The following FAM135A variants were observed in gnomAD, a reference collection of about 807,000 sequenced individuals.
The protein encoded by FAM135A is protein FAM135A.
In FAM135A, 79 loss-of-function variants were observed where a neutral mutation model predicts 146.8. The ratio of observed to expected loss-of-function variants is 0.54; its 90% confidence interval spans 0.45 to 0.65. FAM135A has a LOEUF of 0.65. FAM135A is among the 30% of genes least tolerant of loss of function. The pLI, the probability that FAM135A is intolerant of heterozygous loss-of-function variation, is 0.00. For synonymous variants in FAM135A, 562 were observed against 603.6 expected (o/e 0.93, Z 1.01); for missense variants, 1,623 against 1,758.2 (o/e 0.92, Z 1.38).
At chr6:70,534,559 A>C (rs1012244876) in intron 18 of FAM135A, among the ~76,000 whole-genome samples, 5 of 151,528 alleles carry the variant, frequency 3.3e-5, no homozygotes. Flanking sequence ...TGATCCTCTC[A>C]CCTTGGCCTC....
rs777693962 is a variant in FAM135A, at chr6:70,480,886, T to G, written c.543-15T>G. On this transcript the variant is annotated splice_polypyrimidine_tract_variant and intron_variant, in intron 8 of 21. Coordinates refer to ENST00000418814, the MANE Select transcript of FAM135A (RefSeq NM_001162529.3). ...GACTCGTATGACAATAATAATGTAA[T>G]ACTTCTTCCTCCAGCTTTCCTCGCC... 1.2e-6 allele frequency: 2 copies of G among 1,600,802 alleles called. No individual in the cohort carries two copies. The highest frequency in any genetic ancestry group is 1.7e-6 in the Non-Finnish European group (2 of 1,175,708).
rs764143945 is a variant in FAM135A at position 70,525,749 on chromosome 6, A to G, written c.2665A>G (p.Ser889Gly). The G allele has an allele frequency of 1.9e-6, 3 of 1,613,312 alleles. No individual in the cohort carries two copies. The highest frequency in any genetic ancestry group is 2.5e-6 in the Non-Finnish European group (3 of 1,179,638). The part of the protein sequence containing the change: ...LPKCDDTKKS[S>G]ITLQQQSVVF... ...AAAATGTGATGATACTAAAAAGTCA[A>G]GTATCACTTTGCAACAGCAGAGTGT... Residue 889 changes from serine to glycine, a missense_variant, in exon 15 of 22, where the codon AGT becomes GGT. Physicochemically the swap from Ser to Gly is moderately conservative, Grantham distance 56. This residue lies in a region of FAM135A where 1,061 missense variants were observed against 1,113.8 expected (regional missense o/e 0.95). Coordinates refer to ENST00000418814, the MANE Select transcript of FAM135A (RefSeq NM_001162529.3).
intron 10 of FAM135A, among the ~76,000 whole-genome samples, chr6:70,484,642 G>C (rs921085304): frequency 6.6e-6 from 1 of 152,128 alleles, no homozygotes. Flanking sequence ...ATGCAACCTA[G>C]ATCCCTCACA....
chr6:70,417,453 T>C (rs1425508651), intron 2 of FAM135A: 1 of 237,506 alleles, frequency 4.2e-6, no homozygotes, highest in African/African-American at 2.3e-5. Context: ...CCTCAAGTGA[T>C]TCTCCCGCCT....
chr6:70,495,707 G>A (rs9446258), intron 11 of FAM135A, among the ~76,000 whole-genome samples: 43,718 of 151,878 alleles, frequency 0.29, 8,502 homozygotes, highest in African/African-American at 0.55. Flanking sequence ...TTACATAGGT[G>A]TACACGTGCC....
intron 2 of FAM135A, chr6:70,417,789 G>GT (rs1344735736): frequency 5.2e-6 from 1 of 191,344 alleles, no homozygotes; most frequent in African/African-American, 2.4e-5. Flanking sequence ...AATAAAAAAT[G>GT]TAAGACTGTG....
At chr6:70,494,868 T>C (rs1424500817) in intron 11 of FAM135A, among the ~76,000 whole-genome samples, 1 of 152,176 alleles carries the variant, frequency 6.6e-6, no homozygotes, top group East Asian at 1.9e-4. Flanking sequence ...CAGAGAATTG[T>C]TTCTACTTTT....
Position 70,482,170 on chromosome 6 carries a change from C to T in FAM135A, c.823+16C>T, listed in dbSNP as rs1418758236. The T allele has an allele frequency of 6.2e-6, 10 of 1,611,376 alleles. No individual in the cohort carries two copies. The highest frequency in any genetic ancestry group is 3.3e-4 in the Middle Eastern group (2 of 6,046). ...CTAGAACTGGGTATGTTAAAAGTAG[C>T]GAGACTTATTCTACAGTTCAAATCA... On this transcript the variant is annotated intron_variant, in intron 10 of 21. Transcript: ENST00000418814.
intron 10 of FAM135A, among the ~76,000 whole-genome samples, chr6:70,484,832 A>G (rs761663193): frequency 6.6e-6 from 1 of 152,204 alleles, no homozygotes; most frequent in Non-Finnish European, 1.5e-5. Context: ...GGGGTTAGAC[A>G]GTGTTAGCAA....
rs1468911299 is a variant in FAM135A at position 70,525,853 on chromosome 6, T to A, written c.2769T>A (p.Phe923Leu). 1 of 1,611,306 alleles carries A rather than the reference T, an allele frequency of 6.2e-7. No homozygotes were observed. Among genetic ancestry groups the A allele is most frequent in the African/African-American group, 1.3e-5 (1 of 74,720 alleles). Reference protein sequence around the residue: ...LNSSIKDPLQFVFSDEETSSD... With the variant: ...LNSSIKDPLQLVFSDEETSSD... The stretch of plus-strand genomic sequence containing the variant: ...CAAGCATTAAAGACCCTTTACAATT[T>A]GTTTTTTCAGATGAAGAGACTTCCA... The change falls in exon 15 of 22, where the codon TTT becomes TTA. Residue 923 changes from phenylalanine to leucine, a missense_variant. Phe to Leu is a conservative substitution (Grantham distance 22). Around this residue, in one of 7 missense-constraint regions of FAM135A, gnomAD observed 1,061 missense variants for 1,113.8 expected, o/e 0.95. Transcript: ENST00000418814.
rs200624758 is a variant in FAM135A, at chr6:70,505,638, C to T, written c.1029+2847C>T. 2.0e-5 allele frequency among the ~76,000 whole-genome samples: 3 copies of T among 151,870 alleles called. No homozygotes were observed. In the East Asian group the frequency reaches 5.8e-4, roughly 29 times the overall value. On this transcript the variant is annotated intron_variant, in intron 12 of 21. Coordinates refer to ENST00000418814, the MANE Select transcript of FAM135A (RefSeq NM_001162529.3). ...GTAGTTCATAGTATCCTTCAATTAT[C>T]TTTTTAATATCTACAATATTTAATG...
chr6:70,465,324 T>C lies in FAM135A; in HGVS notation c.158-10086T>C, dbSNP rs376770771. Among the ~76,000 whole-genome samples, 11 of 152,330 alleles carry C rather than the reference T, an allele frequency of 7.2e-5. No individual in the cohort carries two copies. The East Asian group carries it at 9.7e-4, about 13-fold the overall frequency. ...TTGACTATTATAAATAATGCTTCAATGAATGTGAGTGTGCAAACATCTCTT... is the reference window on the plus strand; with the variant it reads ...TTGACTATTATAAATAATGCTTCAACGAATGTGAGTGTGCAAACATCTCTT... On this transcript the variant is annotated intron_variant, in intron 5 of 21. Transcript: ENST00000418814.
intron 12 of FAM135A, among the ~76,000 whole-genome samples, chr6:70,506,063 C>T (rs1019135765): frequency 5.3e-5 from 8 of 151,926 alleles, no homozygotes; most frequent in South Asian, 2.1e-4. Context: ...TATTTTTTTC[C>T]GCAATTTTCA....
chr6:70,493,389 C>T (rs534374236), intron 11 of FAM135A, among the ~76,000 whole-genome samples: 5 of 152,018 alleles, frequency 3.3e-5, no homozygotes, highest in East Asian at 1.9e-4. Flanking sequence ...TCTTTACATG[C>T]GTCTATATTA....
rs761764291 is a variant in FAM135A, at chr6:70,556,801, A to G, written c.4280A>G (p.Tyr1427Cys). ...VVLVGSLQDRYVPYHSARIEM... is the reference protein window; with the variant it reads ...VVLVGSLQDRCVPYHSARIEM... ...CTAGTGGGATCCCTACAGGATCGCT[A>G]TGTTCCTTATCACTCTGCCCGCATT... The change falls in exon 21 of 22, where the codon TAT (tyrosine) becomes TGT (cysteine). Residue 1427 changes from tyrosine (Y) to cysteine (C), a missense_variant. Physicochemically the swap from Tyr to Cys is radical, Grantham distance 194 (BLOSUM62 -2). Coordinates refer to ENST00000418814, the MANE Select transcript of FAM135A (RefSeq NM_001162529.3). 6 of 1,614,030 alleles carry G rather than the reference A, an allele frequency of 3.7e-6. No homozygotes were observed. The highest frequency in any genetic ancestry group is 1.7e-5 in the Admixed American group (1 of 60,020).
At chr6:70,528,520 G>T in intron 16 of FAM135A, 68 bp downstream of exon 16, 2 of 1,325,450 alleles carry the variant, frequency 1.5e-6, no homozygotes, top group Non-Finnish European at 2.0e-6. Flanking sequence ...ATCTCATTTA[G>T]TTTCATTTAG....
At chr6:70,465,565 A>G (rs1167858120) in intron 5 of FAM135A, among the ~76,000 whole-genome samples, 3 of 152,140 alleles carry the variant, frequency 2.0e-5, no homozygotes, top group African/African-American at 4.8e-5. Context: ...TGTTTTGTAC[A>G]TATGGAGCCT....
chr6:70,420,067 T>C (rs577001823), intron 2 of FAM135A, among the ~76,000 whole-genome samples: 1 of 152,314 alleles, frequency 6.6e-6, no homozygotes, highest in South Asian at 2.1e-4. Flanking sequence ...AACCAATTTG[T>C]TTCATGGATG....
chr6:70,518,875 A>G (rs1482368679), intron 12 of FAM135A, among the ~76,000 whole-genome samples: 1 of 152,202 alleles, frequency 6.6e-6, no homozygotes, highest in Non-Finnish European at 1.5e-5. Flanking sequence ...GGAGATATAC[A>G]AGGAGATTAA....
Sources: gnomAD v4.1 joint callset for allele counts (sites outside exome capture counted in the v4.1 genomes callset) on GRCh38, gnomAD v4.1.1 for gene constraint, gnomAD v4.1.1 regional missense constraint, MANE v1.5 for transcripts, NCBI Gene and HGNC (gene_info 2026-07-23, HGNC 2026-07-21) for gene names.